Variants in IFT81 observed in about 807,000 individuals in gnomAD.
The protein encoded by IFT81 is intraflagellar transport protein 81 homolog.
In IFT81, 72 loss-of-function variants were observed where a neutral mutation model predicts 102.6. The ratio of observed to expected loss-of-function variants is 0.70; its 90% CI spans 0.58 to 0.85. The LOEUF (loss-of-function observed/expected upper bound fraction) is 0.85, where lower values mean the gene tolerates loss of function less well. Among genes scored for constraint, IFT81 ranks in the 40% least tolerant of loss-of-function variants. The pLI is 0.00. For synonymous variants in IFT81, 237 were observed against 242.7 expected, an observed-to-expected ratio of 0.98 and a Z score of 0.22; for missense variants, 723 against 787.3, an observed-to-expected ratio of 0.92 and a Z score of 0.98.
chr12:110,138,702 G>A (rs921780603), intron 8 of IFT81, among the ~76,000 whole-genome samples: 7 of 152,186 alleles, frequency 4.6e-5, no homozygotes, highest in Admixed American at 2.0e-4. Context: ...CAAAGTGTTA[G>A]GATTATAGGC....
intron 14 of IFT81, among the ~76,000 whole-genome samples, chr12:110,195,771 C>T (rs1897974035): frequency 6.6e-6 from 1 of 152,172 alleles, no homozygotes; most frequent in Admixed American, 6.5e-5. Flanking sequence ...CAAAAAGACT[C>T]ATAAGAACAA....
chr12:110,162,815 A>G (rs1049797220), intron 10 of IFT81, 104 bp from the exon 11 acceptor site: 3 of 971,156 alleles, frequency 3.1e-6, no homozygotes, highest in Non-Finnish European at 4.5e-6. Flanking sequence ...CCAAGCTGAT[A>G]TTGAAAATAT....
chr12:110,195,114 A>G (rs969047424), intron 14 of IFT81, among the ~76,000 whole-genome samples: 8 of 152,196 alleles, frequency 5.3e-5, no homozygotes, highest in African/African-American at 1.7e-4. Context: ...ATATGCAGAT[A>G]CATTTGGTTT....
chr12:110,186,798 G>T (rs1377284547), intron 12 of IFT81, among the ~76,000 whole-genome samples: 1 of 152,240 alleles, frequency 6.6e-6, no homozygotes, highest in Non-Finnish European at 1.5e-5. Context: ...CCAAGGCTGG[G>T]CTTACAGGCA....
intron 12 of IFT81, among the ~76,000 whole-genome samples, chr12:110,182,599 C>G (rs908069828): frequency 2.0e-5 from 3 of 152,124 alleles, no homozygotes; most frequent in Admixed American, 6.5e-5. Context: ...CATCTGAGTC[C>G]TAAATATATT....
intron 18 of IFT81, among the ~76,000 whole-genome samples, chr12:110,213,820 G>A (rs992483724): frequency 1.3e-5 from 2 of 151,990 alleles, no homozygotes; most frequent in Admixed American, 6.6e-5. Flanking sequence ...AGTCCCATTC[G>A]TACTCAAATT....
chr12:110,193,434 G>T (rs991504778), intron 14 of IFT81, among the ~76,000 whole-genome samples: 1 of 152,084 alleles, frequency 6.6e-6, no homozygotes, highest in African/African-American at 2.4e-5. Flanking sequence ...CTGCTAGGAG[G>T]CACGGTGCAC....
At chr12:110,207,416 A>G (rs1380429269) in intron 17 of IFT81, among the ~76,000 whole-genome samples, 1 of 151,394 alleles carries the variant, frequency 6.6e-6, no homozygotes, top group African/African-American at 2.4e-5. Flanking sequence ...AGACTGCTGT[A>G]TTTTCTCTTT....
chr12:110,175,580 C>CT (rs1397591625), intron 11 of IFT81, among the ~76,000 whole-genome samples: 72 of 152,254 alleles, frequency 4.7e-4, no homozygotes, highest in African/African-American at 1.7e-3. Flanking sequence ...TTAAAAAACT[C>CT]GTCCTTTAAC....
intron 10 of IFT81, among the ~76,000 whole-genome samples, chr12:110,160,629 GAC>G (rs1896083165): frequency 6.6e-6 from 1 of 152,224 alleles, no homozygotes; most frequent in South Asian, 2.1e-4. Context: ...TACCCTCACA[GAC>G]ACACCCAGAA....
At chr12:110,207,545 C>T (rs542434533) in intron 17 of IFT81, among the ~76,000 whole-genome samples, 86 of 149,680 alleles carry the variant, frequency 5.7e-4, no homozygotes, top group African/African-American at 1.8e-3. Context: ...CTTTACCCCT[C>T]GTCCTTCAGT....
At chr12:110,155,787 G>A (rs1050332238) in intron 10 of IFT81, among the ~76,000 whole-genome samples, 1 of 151,834 alleles carries the variant, frequency 6.6e-6, no homozygotes, top group African/African-American at 2.4e-5. Context: ...GTGTTTAGTT[G>A]ATTTTTTTAT....
At chr12:110,194,113 A>G (rs572756395) in intron 14 of IFT81, among the ~76,000 whole-genome samples, 34 of 152,190 alleles carry the variant, frequency 2.2e-4, no homozygotes, top group Non-Finnish European at 3.1e-4. Context: ...TCATGAAAAC[A>G]GCACCAAGAG....
At chr12:110,148,876 T>A (rs904117182) in intron 10 of IFT81, among the ~76,000 whole-genome samples, 1 of 152,222 alleles carries the variant, frequency 6.6e-6, no homozygotes, top group Non-Finnish European at 1.5e-5. Flanking sequence ...TTTATCATTA[T>A]TTATCAGTTT....
intron 12 of IFT81, among the ~76,000 whole-genome samples, chr12:110,187,101 AT>A (rs1897568996): frequency 6.6e-6 from 1 of 151,540 alleles, no homozygotes; most frequent in African/African-American, 2.4e-5. Context: ...AATATCAGTT[AT>A]TGTATTTCTC....
At position 110,135,002 on chromosome 12, in the gene IFT81, T is replaced by G. The variant is rs768372021; in HGVS notation, c.574T>G (p.Leu192Val). ...TCAGCTCATTAAGAGAGTTGAACAT[T>G]TGAAGAAAAGGGTAAGGCAGAATTA... ...KDQLIKRVEH[L>V]KKRVETAQNH... The change falls in exon 6 of 19, where the codon TTG (leucine) becomes GTG (valine). Residue 192 changes from leucine (L) to valine (V), a missense_variant. By Grantham distance (32) the Leu-to-Val change is conservative (BLOSUM62 1). Transcript: ENST00000242591. 1 of 1,609,576 alleles carries G rather than the reference T, an allele frequency of 6.2e-7. No homozygotes were observed. The highest frequency in any genetic ancestry group is 8.5e-7 in the Non-Finnish European group (1 of 1,178,438).
At chr12:110,155,740 G>A (rs1286172961) in intron 10 of IFT81, among the ~76,000 whole-genome samples, 1 of 152,020 alleles carries the variant, frequency 6.6e-6, no homozygotes, top group Non-Finnish European at 1.5e-5. Context: ...ATGCATTGTA[G>A]CTTTTTTGTT....
intron 17 of IFT81, among the ~76,000 whole-genome samples, chr12:110,206,654 G>A (rs560823379): frequency 2.1e-5 from 3 of 145,928 alleles, no homozygotes; most frequent in Admixed American, 6.9e-5. Flanking sequence ...CAGCCTGAGC[G>A]ACAAAGGGAG....
In IFT81 at chr12:110,162,904, T is replaced by C; in HGVS notation, c.1042-15T>C. ...TGTATATCTTATTATACCTTCATAT[T>C]TAATGCTCAATCAGGCATCTATCAT... is the stretch of plus-strand genomic sequence containing the variant. On this transcript the variant is annotated splice_polypyrimidine_tract_variant and intron_variant, in intron 10 of 18. Transcript: ENST00000242591. 1.3e-6 allele frequency: 2 copies of C among 1,593,378 alleles called. No individual in the cohort carries two copies. Among genetic ancestry groups the C allele is most frequent in the Non-Finnish European group, 1.7e-6 (2 of 1,169,960 alleles).
Sources: gnomAD v4.1 joint callset for allele counts (sites outside exome capture counted in the v4.1 genomes callset) on GRCh38, gnomAD v4.1.1 for gene constraint, MANE v1.5 for transcripts, NCBI Gene and HGNC (gene_info 2026-07-23, HGNC 2026-07-21) for gene names.